Variants in DCDC1 observed in about 807,000 individuals in gnomAD.
The protein encoded by DCDC1 is doublecortin domain-containing protein 1.
In DCDC1, 200 loss-of-function variants were observed where a neutral mutation model predicts 178.3. That is an observed-to-expected ratio of 1.12 (90% CI 1.00 to 1.26). The LOEUF is 1.26. DCDC1 is among the 50% of genes most tolerant of loss of function. The probability of loss-of-function intolerance (pLI) is 0.00; values close to 1 mark genes in which losing one functional copy is unlikely to be tolerated. For missense variants in DCDC1, 1,983 were observed against 1,749.2 expected (o/e 1.13, Z -2.38); for synonymous variants, 690 against 604.8 (o/e 1.14, Z -2.07).
chr11:31,129,898 A>G (rs1005421831), intron 10 of DCDC1, among the ~76,000 whole-genome samples: 8 of 152,060 alleles, frequency 5.3e-5, no homozygotes, highest in Non-Finnish European at 1.0e-4. Context: ...ACCTGGCTTT[A>G]TGGCTCATAT....
chr11:31,198,916 G>T (rs1036573361), intron 9 of DCDC1, among the ~76,000 whole-genome samples: 5 of 151,322 alleles, frequency 3.3e-5, no homozygotes, highest in African/African-American at 1.2e-4. Context: ...TTCTACAAAA[G>T]AAATGAGTGA....
chr11:31,043,192 T>C (rs1264111815), intron 20 of DCDC1, among the ~76,000 whole-genome samples: 3 of 152,240 alleles, frequency 2.0e-5, no homozygotes, highest in South Asian at 4.1e-4. Flanking sequence ...GCCACTGTTG[T>C]CTATGCAGTC....
intron 9 of DCDC1, among the ~76,000 whole-genome samples, chr11:31,149,459 G>A (rs1394462520): frequency 5.3e-5 from 8 of 152,086 alleles, no homozygotes; most frequent in African/African-American, 7.2e-5. Flanking sequence ...GGATGTGGGC[G>A]GGGCCAAATA....
At chr11:31,086,567 C>T (rs1371393944) in intron 17 of DCDC1, among the ~76,000 whole-genome samples, 1 of 151,972 alleles carries the variant, frequency 6.6e-6, no homozygotes, top group Non-Finnish European at 1.5e-5. Flanking sequence ...TGTAACTTGT[C>T]GATTTTTATT....
At chr11:31,306,845 T>C (rs1948494987) in intron 4 of DCDC1, among the ~76,000 whole-genome samples, 1 of 152,114 alleles carries the variant, frequency 6.6e-6, no homozygotes, top group Non-Finnish European at 1.5e-5. Context: ...TAAAAAATGT[T>C]TAAAATTCAA....
chr11:31,138,900 T>C (rs1963484911), intron 9 of DCDC1, among the ~76,000 whole-genome samples: 1 of 152,172 alleles, frequency 6.6e-6, no homozygotes, highest in Non-Finnish European at 1.5e-5. Context: ...CAGCTAAGTA[T>C]ATCAGAGATT....
At position 31,224,399 on chromosome 11, in the gene DCDC1, CA is replaced by C. The variant is rs1479943565; in HGVS notation, c.1221+17050del. On this transcript the variant is annotated intron_variant, in intron 9 of 38. Transcript: ENST00000684477. ...ACGATCAAAATCTATGACCTGAAAC[CA>C]TAAAAATTCTAGAAGATAACATCAG... Among the ~76,000 whole-genome samples the C allele has an allele frequency of 3.9e-5, 6 of 151,906 alleles. No individual in the cohort carries two copies. The East Asian group carries it at 1.2e-3, about 29-fold the overall frequency.
intron 3 of DCDC1, among the ~76,000 whole-genome samples, chr11:31,315,523 A>T (rs1949041487): frequency 6.6e-6 from 1 of 150,824 alleles, no homozygotes; most frequent in South Asian, 2.1e-4. Context: ...TTTTTAGTAG[A>T]GAGGGGGTTT....
chr11:31,213,079 CA>C, intron 9 of DCDC1, among the ~76,000 whole-genome samples: 2 of 139,724 alleles, frequency 1.4e-5, no homozygotes, highest in African/African-American at 5.4e-5. Context: ...GAAACTGTGT[CA>C]TCTTCTATAT....
At chr11:30,890,250 G>T (rs1380638260) in intron 36 of DCDC1, among the ~76,000 whole-genome samples, 1 of 152,168 alleles carries the variant, frequency 6.6e-6, no homozygotes, top group Admixed American at 6.5e-5. Context: ...ATATGTATAT[G>T]GGGTCTATCA....
At chr11:31,164,350 T>A (rs1966587704) in intron 9 of DCDC1, among the ~76,000 whole-genome samples, 1 of 152,060 alleles carries the variant, frequency 6.6e-6, no homozygotes, top group Admixed American at 6.6e-5. Context: ...AAGAGTGACA[T>A]CCCCTCAAAA....
At chr11:31,357,688 C>T (rs1951459157) in intron 1 of DCDC1, among the ~76,000 whole-genome samples, 1 of 151,920 alleles carries the variant, frequency 6.6e-6, no homozygotes, top group Non-Finnish European at 1.5e-5. Context: ...TCTAGAAAAC[C>T]CCATTGTCTC....
At chr11:31,097,168 C>G (rs17425442) in intron 15 of DCDC1, among the ~76,000 whole-genome samples, 51,808 of 152,072 alleles carry the variant, frequency 0.34, 9,214 homozygotes, top group Middle Eastern at 0.38. Flanking sequence ...AATGATAAAG[C>G]AATGCATACA....
chr11:31,017,804 G>T (rs1218817280), intron 20 of DCDC1, among the ~76,000 whole-genome samples: 1 of 152,126 alleles, frequency 6.6e-6, no homozygotes, highest in Non-Finnish European at 1.5e-5. Flanking sequence ...TGTTGCCCAG[G>T]CTGGTATTGA....
At chr11:30,970,659 C>A (rs1036702300) in intron 20 of DCDC1, among the ~76,000 whole-genome samples, 5 of 152,228 alleles carry the variant, frequency 3.3e-5, no homozygotes, top group African/African-American at 1.2e-4. Context: ...CAGCCACCAT[C>A]TGGGGCTAAA....
At chr11:30,991,111 C>T (rs1330626339) in intron 20 of DCDC1, among the ~76,000 whole-genome samples, 1 of 152,064 alleles carries the variant, frequency 6.6e-6, no homozygotes, top group Non-Finnish European at 1.5e-5. Flanking sequence ...TAAGGGACAT[C>T]CCTGGTAACC....
Position 31,010,683 on chromosome 11 carries a change from A to C in DCDC1, c.2591+53786T>G, listed in dbSNP as rs1952119106. On this transcript the variant is annotated intron_variant, in intron 20 of 38. Coordinates refer to ENST00000684477, the MANE Select transcript of DCDC1 (RefSeq NM_001387274.1). ...AAGGTCACTTTATGGTGTGTCTTTC[A>C]CAAAAGATAAACTGACCTAACCAAA... Among the ~76,000 whole-genome samples, 3 of 152,226 alleles carry C rather than the reference A, an allele frequency of 2.0e-5. No individual in the cohort carries two copies. In the South Asian group the frequency reaches 6.2e-4, roughly 31 times the overall value.
intron 20 of DCDC1, among the ~76,000 whole-genome samples, chr11:31,061,647 C>T (rs1211010237): frequency 2.0e-5 from 3 of 152,154 alleles, no homozygotes; most frequent in African/African-American, 7.2e-5. Context: ...AAGAAAATGC[C>T]TCTGGAAGAT....
chr11:31,078,430 A>T (rs1956990613), intron 17 of DCDC1, among the ~76,000 whole-genome samples: 1 of 152,244 alleles, frequency 6.6e-6, no homozygotes, highest in Non-Finnish European at 1.5e-5. Context: ...TGATGAAGCT[A>T]ATTATGCCTA....
Sources: gnomAD v4.1 joint callset for allele counts (sites outside exome capture counted in the v4.1 genomes callset) on GRCh38, gnomAD v4.1.1 for gene constraint, MANE v1.5 for transcripts, NCBI Gene and HGNC (gene_info 2026-07-23, HGNC 2026-07-21) for gene names.